CNNM2: variants seen among roughly 807,000 people sequenced by gnomAD.
CNNM2 encodes the protein metal transporter CNNM2.
In CNNM2, 12 loss-of-function variants were observed where a neutral mutation model predicts 66.9. That is an observed-to-expected ratio of 0.18 (90% CI 0.11 to 0.29). CNNM2 has a LOEUF of 0.29. Ranked by LOEUF, CNNM2 falls within the 10% of genes least tolerant of loss-of-function variation. CNNM2 has a pLI of 1.00. For missense variants in CNNM2, 705 were observed against 1,167.7 expected, an observed-to-expected ratio of 0.60 and a Z score of 5.77; for synonymous variants, 557 against 501.8, an observed-to-expected ratio of 1.11 and a Z score of -1.47.
At chr10:102,992,896 G>A (rs2063923709) in intron 1 of CNNM2, among the ~76,000 whole-genome samples, 1 of 152,156 alleles carries the variant, frequency 6.6e-6, no homozygotes, top group Non-Finnish European at 1.5e-5. Context: ...TAGGGTATCT[G>A]TGATCTAGGA....
At chr10:102,943,621 A>G (rs1846506858) in intron 1 of CNNM2, among the ~76,000 whole-genome samples, 1 of 152,228 alleles carries the variant, frequency 6.6e-6, no homozygotes, top group African/African-American at 2.4e-5. Flanking sequence ...ACTCATTACC[A>G]ACTACTACTG....
chr10:102,978,594 AATT>A (rs2134226850), intron 1 of CNNM2, among the ~76,000 whole-genome samples: 1 of 152,222 alleles, frequency 6.6e-6, no homozygotes, highest in African/African-American at 2.4e-5. Context: ...GCCTCCTTAT[AATT>A]ATTTTCCACA....
rs1378959112 is a variant in CNNM2 at position 103,078,036 on chromosome 10, G to A, written c.*856G>A. On this transcript the variant is annotated 3_prime_UTR_variant, in exon 8 of 8. Coordinates refer to ENST00000369878, the MANE Select transcript of CNNM2 (RefSeq NM_017649.5). ...AGCCAGCCCTCCTCCCCGACCCAGC[G>A]CCTAAGCTCACAGAGTGTCGTCGCC... The A allele has an allele frequency of 3.3e-5, 5 of 152,480 alleles. No individual in the cohort carries two copies. Among genetic ancestry groups the A allele is most frequent in the African/African-American group, 4.8e-5 (2 of 41,366 alleles). 9.4% of individuals were successfully genotyped at this position (152,480 alleles called of 1,614,324 possible).
At chr10:103,066,592 G>A (rs139155091) in intron 4 of CNNM2, among the ~76,000 whole-genome samples, 6 of 152,142 alleles carry the variant, frequency 3.9e-5, no homozygotes, top group East Asian at 3.9e-4. Context: ...CTGGCCGGCC[G>A]CTGCCGCCAC....
intron 1 of CNNM2, among the ~76,000 whole-genome samples, chr10:103,026,820 G>A (rs986931532): frequency 2.6e-5 from 4 of 152,134 alleles, no homozygotes; most frequent in African/African-American, 7.2e-5. Context: ...TAAGAGAAGA[G>A]TCTAACATGT....
At chr10:103,036,576 A>G (rs539425583) in intron 1 of CNNM2, among the ~76,000 whole-genome samples, 16 of 152,254 alleles carry the variant, frequency 1.1e-4, no homozygotes, top group African/African-American at 3.1e-4. Flanking sequence ...GCAGACGTTT[A>G]TCAAATCGAG....
chr10:103,013,558 G>A (rs1213559200), intron 1 of CNNM2, among the ~76,000 whole-genome samples: 1 of 152,090 alleles, frequency 6.6e-6, no homozygotes, highest in Non-Finnish European at 1.5e-5. Context: ...CTGACTGCAG[G>A]ACACCAAGAA....
At chr10:102,945,681 C>T (rs1846592835) in intron 1 of CNNM2, among the ~76,000 whole-genome samples, 1 of 152,094 alleles carries the variant, frequency 6.6e-6, no homozygotes, top group Non-Finnish European at 1.5e-5. Context: ...GTTGTTTTCT[C>T]CTAAGCATTA....
At chr10:102,980,706 C>T (rs1476430124) in intron 1 of CNNM2, among the ~76,000 whole-genome samples, 1 of 152,164 alleles carries the variant, frequency 6.6e-6, no homozygotes, top group African/African-American at 2.4e-5. Flanking sequence ...TTAAGATGTG[C>T]TTTAGATGTC....
chr10:102,974,490 G>C (rs572082118), intron 1 of CNNM2, among the ~76,000 whole-genome samples: 1 of 152,206 alleles, frequency 6.6e-6, no homozygotes, highest in South Asian at 2.1e-4. Flanking sequence ...TCCGTAGTGA[G>C]ATGTGGCAAC....
intron 1 of CNNM2, among the ~76,000 whole-genome samples, chr10:103,048,364 C>A (rs1485963967): frequency 1.3e-5 from 2 of 152,034 alleles, no homozygotes; most frequent in African/African-American, 2.4e-5. Flanking sequence ...CACAGGCACA[C>A]ACCACCACAT....
At chr10:103,076,577 G>A (rs2065694999) in intron 7 of CNNM2, among the ~76,000 whole-genome samples, 1 of 152,202 alleles carries the variant, frequency 6.6e-6, no homozygotes, top group South Asian at 2.1e-4. Flanking sequence ...TGGGTGCGTG[G>A]CTCCCTGCCT....
At chr10:103,070,926 T>C (rs1191447126) in intron 5 of CNNM2, among the ~76,000 whole-genome samples, 1 of 152,068 alleles carries the variant, frequency 6.6e-6, no homozygotes, top group African/African-American at 2.4e-5. Context: ...CGAGAATCCA[T>C]CTGAAACTAA....
intron 1 of CNNM2, among the ~76,000 whole-genome samples, chr10:102,939,035 C>T (rs1286062532): frequency 1.3e-5 from 2 of 152,136 alleles, no homozygotes; most frequent in African/African-American, 4.8e-5. Context: ...TCCAAAAAGT[C>T]AGCAGTTATT....
At chr10:103,016,947 C>G (rs553164516) in intron 1 of CNNM2, among the ~76,000 whole-genome samples, 1 of 150,716 alleles carries the variant, frequency 6.6e-6, no homozygotes, top group Admixed American at 6.6e-5. Flanking sequence ...TTTTTTTGGG[C>G]GGGGGGTACT....
intron 1 of CNNM2, among the ~76,000 whole-genome samples, chr10:103,048,330 C>T (rs530955429): frequency 2.0e-5 from 3 of 152,066 alleles, no homozygotes; most frequent in African/African-American, 7.2e-5. Context: ...ATTCTCCCAC[C>T]TCAGCCTCCT....
chr10:103,065,909 A>G (rs1040125258), intron 4 of CNNM2, among the ~76,000 whole-genome samples: 1 of 152,154 alleles, frequency 6.6e-6, no homozygotes, highest in African/African-American at 2.4e-5. Flanking sequence ...ACCCTACTTC[A>G]GGGACTTCCC....
chr10:102,976,806 G>A lies in CNNM2; in HGVS notation c.1621+56705G>A, dbSNP rs7096452. Among the ~76,000 whole-genome samples the A allele has an allele frequency of 0.31, 47,123 of 151,116 alleles. 7,447 individuals are homozygous for A. Among genetic ancestry groups the A allele is most frequent in the Middle Eastern group, 0.37 (109 of 294 alleles). On this transcript the variant is annotated intron_variant, in intron 1 of 7. Coordinates refer to ENST00000369878, the MANE Select transcript of CNNM2 (RefSeq NM_017649.5). ...CTAATTGGTTGTTTTCAAACTCTCT[G>A]AGCTTCAGGAAGACAAGGACCATGT...
At chr10:102,985,835 G>A (rs541190329) in intron 1 of CNNM2, among the ~76,000 whole-genome samples, 1 of 152,310 alleles carries the variant, frequency 6.6e-6, no homozygotes, top group East Asian at 1.9e-4. Context: ...CAAAGTGAAT[G>A]GGCCCTGCCA....
Sources: allele counts gnomAD v4.1 joint callset (sites outside exome capture counted in the v4.1 genomes callset), GRCh38; gene constraint gnomAD v4.1.1; transcripts MANE v1.5; gene names NCBI Gene and HGNC (gene_info 2026-07-23, HGNC 2026-07-21).